The following LRRC8C variants were observed in gnomAD, a reference collection of about 807,000 sequenced individuals.
LRRC8C encodes the protein volume-regulated anion channel subunit LRRC8C.
LRRC8C carries 20 observed loss-of-function variants against 55.3 expected under a neutral mutation model. The ratio of observed to expected loss-of-function variants is 0.36; its 90% CI spans 0.25 to 0.53. The LOEUF is 0.53. Ranked by LOEUF, LRRC8C falls within the 20% of genes least tolerant of loss-of-function variation. The pLI is 0.92. For synonymous variants in LRRC8C, 376 were observed against 360.7 expected (o/e 1.04, Z -0.48); for missense variants, 659 against 951.4 (o/e 0.69, Z 4.04).
At chr1:89,653,591 A>G (rs1656852318) in intron 1 of LRRC8C, among the ~76,000 whole-genome samples, 1 of 152,264 alleles carries the variant, frequency 6.6e-6, no homozygotes, top group African/African-American at 2.4e-5. Context: ...AACCTATTAT[A>G]ATAAAACAAA....
the LRRC8C span, among the ~76,000 whole-genome samples, chr1:89,625,525 A>G: frequency 1.1e-3 from 162 of 152,332 alleles, no homozygotes; most frequent in African/African-American, 3.8e-3. Flanking sequence ...GAGTGGATTC[A>G]GGAAACTAAG....
intron 2 of LRRC8C, among the ~76,000 whole-genome samples, chr1:89,704,437 C>A (rs566661935): frequency 2.0e-5 from 3 of 152,214 alleles, no homozygotes; most frequent in African/African-American, 7.2e-5. Context: ...AGGTGCCAAT[C>A]TATTAACATC....
At chr1:89,681,905 C>G (rs12064833) in intron 1 of LRRC8C, among the ~76,000 whole-genome samples, 1 of 152,110 alleles carries the variant, frequency 6.6e-6, no homozygotes. Flanking sequence ...AATTTAAATG[C>G]GGCTGGGCAC....
At chr1:89,632,925 A>T (rs1007418910), upstream of LRRC8C, 3 of 152,244 alleles carry the variant, frequency 2.0e-5, no homozygotes, top group Non-Finnish European at 4.4e-5. Flanking sequence ...GCAGGGGAGG[A>T]AGTTCCCGGG....
At chr1:89,657,072 T>C (rs936433128) in intron 1 of LRRC8C, among the ~76,000 whole-genome samples, 7 of 152,202 alleles carry the variant, frequency 4.6e-5, no homozygotes, top group Admixed American at 6.5e-5. Context: ...CATTATATTA[T>C]ACAAAATGGT....
At chr1:89,645,790 A>C (rs191988050) in intron 1 of LRRC8C, among the ~76,000 whole-genome samples, 36 of 152,280 alleles carry the variant, frequency 2.4e-4, no homozygotes, top group African/African-American at 6.7e-4. Context: ...AGAGCCTCAA[A>C]TATTTGTAAA....
chr1:89,643,703 T>C (rs1656534615), intron 1 of LRRC8C, among the ~76,000 whole-genome samples: 1 of 152,244 alleles, frequency 6.6e-6, no homozygotes, highest in Admixed American at 6.5e-5. Context: ...TTCACTAGTT[T>C]ATTGTCACAG....
chr1:89,615,978 T>C, the LRRC8C span, among the ~76,000 whole-genome samples: 4 of 152,112 alleles, frequency 2.6e-5, no homozygotes, highest in Non-Finnish European at 4.4e-5. Context: ...AGTGAGAACA[T>C]GCACTCTGCT....
At chr1:89,626,069 G>A in the LRRC8C span, among the ~76,000 whole-genome samples, 1 of 152,180 alleles carries the variant, frequency 6.6e-6, no homozygotes, top group Non-Finnish European at 1.5e-5. Context: ...CCAGTCATTT[G>A]TAGATTTAAT....
the LRRC8C span, among the ~76,000 whole-genome samples, chr1:89,622,411 C>T: frequency 6.6e-6 from 1 of 151,066 alleles, no homozygotes; most frequent in Non-Finnish European, 1.5e-5. Flanking sequence ...CGGCTCACTG[C>T]AAGCTCCGCC....
At chr1:89,655,358 G>C (rs1168702122) in intron 1 of LRRC8C, among the ~76,000 whole-genome samples, 1 of 151,836 alleles carries the variant, frequency 6.6e-6, no homozygotes, top group Non-Finnish European at 1.5e-5. Context: ...CCTGCTCTCT[G>C]CTTTACTTTC....
intron 1 of LRRC8C, among the ~76,000 whole-genome samples, chr1:89,666,446 CAA>C (rs1300032102): frequency 1.3e-5 from 2 of 152,084 alleles, no homozygotes; most frequent in East Asian, 3.9e-4. Context: ...TGATTCAAAA[CAA>C]ATGAGGCCCA....
chr1:89,702,261 C>T (rs1398428719), intron 2 of LRRC8C, among the ~76,000 whole-genome samples: 1 of 151,740 alleles, frequency 6.6e-6, no homozygotes, highest in Non-Finnish European at 1.5e-5. Flanking sequence ...GGAAAACATA[C>T]ACCTACTCAG....
At chr1:89,686,343 G>A (rs1467485408) in intron 1 of LRRC8C, 127 bp from the exon 2 acceptor site, 1 of 876,234 alleles carries the variant, frequency 1.1e-6, no homozygotes, top group African/African-American at 1.7e-5. Flanking sequence ...TCAAAACATT[G>A]ATGTGTCTTG....
intron 2 of LRRC8C, among the ~76,000 whole-genome samples, chr1:89,694,585 C>CTTTTTTTTTTTT (rs33917661): frequency 1.2e-5 from 1 of 83,282 alleles, no homozygotes. Flanking sequence ...TGCCCAGCTT[C>CTTTTTTTTTTTT]TTTTTTTTTT....
intron 1 of LRRC8C, among the ~76,000 whole-genome samples, chr1:89,658,866 C>CTA (rs1344073531): frequency 6.6e-6 from 1 of 151,896 alleles, no homozygotes; most frequent in Non-Finnish European, 1.5e-5. Flanking sequence ...GACCAAGAGG[C>CTA]TATAGAGCTA....
intron 1 of LRRC8C, among the ~76,000 whole-genome samples, chr1:89,676,674 A>G (rs951765584): frequency 2.0e-5 from 3 of 152,240 alleles, no homozygotes; most frequent in African/African-American, 7.2e-5. Flanking sequence ...TACTTTCTTG[A>G]AGATACAGAG....
the LRRC8C span, among the ~76,000 whole-genome samples, chr1:89,619,461 CAAAT>C: frequency 1.3e-5 from 2 of 149,220 alleles, no homozygotes; most frequent in African/African-American, 4.9e-5. Flanking sequence ...TTTAAATAAT[CAAAT>C]AAACTTTTTA....
chr1:89,619,679 C>T, the LRRC8C span, among the ~76,000 whole-genome samples: 4 of 151,648 alleles, frequency 2.6e-5, no homozygotes, highest in Non-Finnish European at 5.9e-5. Flanking sequence ...ATCAAATCAA[C>T]AAATTTTAAC....
Sources: gnomAD v4.1 joint callset for allele counts (sites outside exome capture counted in the v4.1 genomes callset) on GRCh38, gnomAD v4.1.1 for gene constraint, MANE v1.5 for transcripts, NCBI Gene and HGNC (gene_info 2026-07-23, HGNC 2026-07-21) for gene names.